Variants in LOC122539214 observed in about 807,000 individuals in gnomAD.
the LOC122539214 span, chr19:52,660,696 T>G: frequency 5.8e-6 from 1 of 171,976 alleles, no homozygotes; most frequent in African/African-American, 2.4e-5. Flanking sequence ...CACGGAAGTC[T>G]GCCTACTACA....
chr19:52,677,964 G>A, the LOC122539214 span, among the ~76,000 whole-genome samples: 1 of 151,836 alleles, frequency 6.6e-6, no homozygotes, highest in Non-Finnish European at 1.5e-5. Flanking sequence ...GAACCTGGGA[G>A]TCGGAGGTTG....
the LOC122539214 span, chr19:52,654,051 C>T: frequency 6.3e-7 from 1 of 1,588,856 alleles, no homozygotes. Context: ...TGATAGACTT[C>T]TCCACTTGAT....
the LOC122539214 span, chr19:52,655,458 C>A: frequency 9.1e-7 from 1 of 1,104,776 alleles, no homozygotes; most frequent in Non-Finnish European, 1.3e-6. Context: ...ACATGTACAT[C>A]AAAAGCATGT....
chr19:52,687,662 A>G, the LOC122539214 span, among the ~76,000 whole-genome samples: 7 of 102,144 alleles, frequency 6.9e-5, 1 homozygote, highest in Admixed American at 2.5e-4. Context: ...TATATAATGT[A>G]TATATATATA....
chr19:52,682,096 T>G, the LOC122539214 span, among the ~76,000 whole-genome samples: 1 of 152,166 alleles, frequency 6.6e-6, no homozygotes, highest in Non-Finnish European at 1.5e-5. Context: ...TTCACCCTCT[T>G]CAGCCTCCCA....
the LOC122539214 span, among the ~76,000 whole-genome samples, chr19:52,690,202 C>A: frequency 6.0e-3 from 875 of 146,512 alleles, 6 homozygotes; most frequent in African/African-American, 0.02. Context: ...AAAAAAACAA[C>A]AACAACTACG....
the LOC122539214 span, among the ~76,000 whole-genome samples, chr19:52,665,712 G>A: frequency 6.6e-6 from 1 of 152,014 alleles, no homozygotes; most frequent in African/African-American, 2.4e-5. Context: ...TTAGCCAATC[G>A]GAATTAGCTT....
the LOC122539214 span, chr19:52,651,286 T>C: frequency 6.6e-6 from 1 of 152,238 alleles, no homozygotes; most frequent in Non-Finnish European, 1.5e-5. Context: ...TCAGGATATA[T>C]TCACTTTTGA....
the LOC122539214 span, among the ~76,000 whole-genome samples, chr19:52,662,083 T>C: frequency 6.6e-6 from 1 of 152,208 alleles, no homozygotes; most frequent in Non-Finnish European, 1.5e-5. Context: ...GGATGAGGTC[T>C]TGAAATATTT....
chr19:52,653,900 G>A, the LOC122539214 span, among the ~76,000 whole-genome samples: 2 of 152,164 alleles, frequency 1.3e-5, no homozygotes, highest in African/African-American at 4.8e-5. Context: ...TCATTACATT[G>A]GAAAGGTTTT....
At chr19:52,680,803 G>A in the LOC122539214 span, among the ~76,000 whole-genome samples, 7 of 148,326 alleles carry the variant, frequency 4.7e-5, no homozygotes, top group African/African-American at 7.6e-5. Context: ...TAGTAGAGAC[G>A]GGGTTTCACC....
chr19:52,655,533 C>G, the LOC122539214 span: 1 of 1,462,576 alleles, frequency 6.8e-7, no homozygotes, highest in African/African-American at 1.4e-5. Context: ...GGGCAGATTC[C>G]TCACATCAGG....
chr19:52,668,234 T>C, the LOC122539214 span, among the ~76,000 whole-genome samples: 1 of 152,122 alleles, frequency 6.6e-6, no homozygotes. Flanking sequence ...GGACCCTATC[T>C]TGTGCTGCTA....
chr19:52,680,378 C>T, the LOC122539214 span, among the ~76,000 whole-genome samples: 1 of 152,098 alleles, frequency 6.6e-6, no homozygotes, highest in East Asian at 1.9e-4. Flanking sequence ...ATTTCCACTC[C>T]TCCAAAGAGA....
chr19:52,680,785 T>G, the LOC122539214 span, among the ~76,000 whole-genome samples: 1 of 147,366 alleles, frequency 6.8e-6, no homozygotes, highest in African/African-American at 2.6e-5. Flanking sequence ...GCTAATTTTT[T>G]GTATTTTTAG....
At chr19:52,653,456 A>AAGCTTG in the LOC122539214 span, among the ~76,000 whole-genome samples, 1 of 152,174 alleles carries the variant, frequency 6.6e-6, no homozygotes, top group East Asian at 1.9e-4. Flanking sequence ...TTATGCCTAA[A>AAGCTTG]AGCTTTGTCA....
At chr19:52,655,745 A>G in the LOC122539214 span, 1 of 717,872 alleles carries the variant, frequency 1.4e-6, no homozygotes, top group South Asian at 1.7e-5. Flanking sequence ...CCTTCACACA[A>G]AATGAGAAAA....
the LOC122539214 span, among the ~76,000 whole-genome samples, chr19:52,675,706 A>C: frequency 6.8e-6 from 1 of 147,634 alleles, no homozygotes; most frequent in Admixed American, 6.7e-5. Flanking sequence ...CCAGGAAAGG[A>C]AGGGCAAGGG....
chr19:52,680,179 AAAAC>A, the LOC122539214 span, among the ~76,000 whole-genome samples: 2 of 152,180 alleles, frequency 1.3e-5, no homozygotes, highest in Non-Finnish European at 2.9e-5. Flanking sequence ...AACTGTCTCA[AAAAC>A]AAACAAACAA....
Sources: gnomAD v4.1 joint callset for allele counts (sites outside exome capture counted in the v4.1 genomes callset) on GRCh38, gnomAD v4.1.1 for gene constraint, MANE v1.5 for transcripts.